LILRA5: variants seen among roughly 807,000 people sequenced by gnomAD.
LILRA5 encodes leukocyte immunoglobulin like receptor A5.
A neutral mutation model predicts 36.3 loss-of-function variants in LILRA5; 31 were observed. The observed-to-expected ratio is 0.85, with a 90% CI of 0.64 to 1.15. The LOEUF (loss-of-function observed/expected upper bound fraction) is 1.15, where lower values mean the gene tolerates loss of function less well. LILRA5 is among the 50% of genes most tolerant of loss of function. The probability of loss-of-function intolerance (pLI) is 0.00; values close to 1 mark genes in which losing one functional copy is unlikely to be tolerated. For synonymous variants in LILRA5, 144 were observed against 144.8 expected (o/e 0.99, Z 0.04); for missense variants, 348 against 377.4 (o/e 0.92, Z 0.64).
chr19:54,308,062 G>A (rs1437394992), intron 5 of LILRA5: 2 of 368,874 alleles, frequency 5.4e-6, no homozygotes, highest in African/African-American at 4.1e-5. Flanking sequence ...TGTGCTCTCT[G>A]TGCAGCCTGG....
chr19:54,307,741 AGCT>A lies in LILRA5; in HGVS notation c.717_719del (p.Ala240del), dbSNP rs768440603. The A allele has an allele frequency of 6.8e-6, 11 of 1,614,000 alleles. No homozygotes were observed. Among genetic ancestry groups the A allele is most frequent in the Non-Finnish European group, 8.5e-6 (10 of 1,180,006 alleles). Reference sequence around the variant, plus strand: ...TGTTTTGTGACGGACTGAGGTTATCAGCTGCTCCTGAAAATCAAAACAGGGGAA... The same window carrying A: ...TGTTTTGTGACGGACTGAGGTTATCAGCTCCTGAAAATCAAAACAGGGGAA... On this transcript the variant is annotated inframe_deletion, in exon 6 of 7. Transcript: ENST00000432233.
intron 5 of LILRA5, chr19:54,308,299 A>T (rs2080922040): frequency 6.7e-6 from 1 of 149,642 alleles, no homozygotes; most frequent in African/African-American, 2.6e-5. Context: ...ATATATATAT[A>T]CGTATGTATA....
In LILRA5 at chr19:54,308,213, C is replaced by T. The variant is rs537098364; in HGVS notation, c.713-465G>A. The T allele has an allele frequency of 1.4e-3, 231 of 170,534 alleles. 1 individual carries two copies. Among genetic ancestry groups the T allele is most frequent in the African/African-American group, 4.6e-3 (194 of 41,936 alleles). 10.6% of individuals were successfully genotyped at this position (170,534 alleles called of 1,614,324 possible). A position where few individuals can be genotyped will look rare whatever the true frequency, so the allele number is the denominator to read the frequency against. On this transcript the variant is annotated intron_variant, in intron 5 of 6. Transcript: ENST00000432233. ...ATCACAAACAGCTGCCTCCCCTTGACGCCACCTCAACCACCTCACCTGGTG... is the reference window on the plus strand; with the variant it reads ...ATCACAAACAGCTGCCTCCCCTTGATGCCACCTCAACCACCTCACCTGGTG...
At chr19:54,308,365 AT>A (rs2080932579) in intron 5 of LILRA5, 2 of 21,902 alleles carry the variant, frequency 9.1e-5, no homozygotes, top group East Asian at 2.1e-3. Flanking sequence ...ATATATATAT[AT>A]ATATATATAT....
chr19:54,310,244 T>A (rs2080982339), intron 5 of LILRA5: 1 of 163,192 alleles, frequency 6.1e-6, no homozygotes, highest in Non-Finnish European at 1.3e-5. Flanking sequence ...ATCTTCCCCA[T>A]GTTCCAAGTC....
Position 54,311,500 on chromosome 19 carries a change from C to T in LILRA5, c.626G>A (p.Arg209Lys), listed in dbSNP as rs1221515758. Residue 209 changes from arginine (R) to lysine (K), a missense_variant, in exon 5 of 7, where the codon AGG (arginine) becomes AAG (lysine). Arg to Lys is a conservative substitution (Grantham distance 26, BLOSUM62 2). Coordinates refer to ENST00000432233, the MANE Select transcript of LILRA5 (RefSeq NM_021250.4). The part of the protein sequence containing the change: ...FPVGPVTPSH[R>K]WMLRCYGSRR... The stretch of plus-strand genomic sequence containing the variant: ...AGAGCCATAGCATCTGAGCATCCAC[C>T]TGTGGCTGGGGGTCACAGGGCCCAC... The T allele has an allele frequency of 6.2e-7, 1 of 1,614,192 alleles. No individual in the cohort carries two copies. Among genetic ancestry groups the T allele is most frequent in the Non-Finnish European group, 8.5e-7 (1 of 1,180,032 alleles).
intron 5 of LILRA5, chr19:54,309,007 A>C (rs1194559670): frequency 1.3e-5 from 2 of 152,226 alleles, no homozygotes; most frequent in Non-Finnish European, 2.9e-5. Flanking sequence ...GAAATAAAAA[A>C]TAAAATTTCA....
chr19:54,312,579 C>T lies in LILRA5; in HGVS notation c.46G>A (p.Gly16Arg), dbSNP rs1466097040. Residue 16 changes from glycine to arginine, a missense_variant, in exon 2 of 7, where the codon GGA (glycine) becomes AGA (arginine). Physicochemically the swap from Gly to Arg is moderately radical, Grantham distance 125. Coordinates refer to ENST00000432233, the MANE Select transcript of LILRA5 (RefSeq NM_021250.4). ...HPSAQLQPVG[G>R]DAVSPALMVL... The stretch of plus-strand genomic sequence containing the variant: ...ATGAGGGCAGGGCTCACGGCGTCTC[C>T]TCCCACTGGCTGCAGCTGTGCAGAT... 3.1e-6 allele frequency: 5 copies of T among 1,614,218 alleles called. No homozygotes were observed. Among genetic ancestry groups the T allele is most frequent in the East Asian group, 2.2e-5 (1 of 44,876 alleles).
chr19:54,312,268 C>G, intron 3 of LILRA5, 67 bp downstream of exon 3: 1 of 1,613,890 alleles, frequency 6.2e-7, no homozygotes, highest in Non-Finnish European at 8.5e-7. Flanking sequence ...TCACCCCCAG[C>G]TGCCCATGGG....
rs868638806 is a variant in LILRA5 at position 54,308,455 on chromosome 19, G to A, written c.713-707C>T. On this transcript the variant is annotated intron_variant, in intron 5 of 6. Transcript: ENST00000432233. ...ACAATTTCTGCTTTTAGGGCCAGGC[G>A]TGGTGGCTCATGCCTGTAATCCCAG... 11 of 145,140 alleles carry A rather than the reference G, an allele frequency of 7.6e-5. No homozygotes were observed. In the South Asian group the frequency reaches 2.0e-3, roughly 27 times the overall value. The allele number at this position is 145,140 out of a possible 1,614,324, so 9.0% of individuals were successfully genotyped here.
chr19:54,307,980 G>A, intron 5 of LILRA5: 1 of 567,728 alleles, frequency 1.8e-6, no homozygotes, highest in South Asian at 2.1e-5. Flanking sequence ...AGTCATTTGG[G>A]AAAGAGCTTT....
At chr19:54,307,998 C>T (rs1601174445) in intron 5 of LILRA5, 8 of 520,978 alleles carry the variant, frequency 1.5e-5, no homozygotes, top group South Asian at 6.8e-5. Flanking sequence ...TTTCCTGCAC[C>T]GTGAAAGCTC....
In LILRA5 at chr19:54,307,691, C is replaced by T; in HGVS notation, c.763+7G>A. 1.2e-6 allele frequency: 2 copies of T among 1,614,154 alleles called. No individual in the cohort carries two copies. The highest frequency in any genetic ancestry group is 1.7e-6 in the Non-Finnish European group (2 of 1,180,004). ...AGTTCCATAACTGAGAGCATCTCCTCACTCACCAGTCCCAGAGTCAGACTT... is the reference window on the plus strand; with the variant it reads ...AGTTCCATAACTGAGAGCATCTCCTTACTCACCAGTCCCAGAGTCAGACTT... On this transcript the variant is annotated splice_region_variant and intron_variant, in intron 6 of 6. Transcript: ENST00000432233.
rs887701967 is a variant in LILRA5, at chr19:54,311,798, C to T, written c.409+66G>A. ...AGGGCTGGGCTGTGAAAGGGAGACA[C>T]CCCTGAGAGCCGACCCCCTTCCTGA... On this transcript the variant is annotated intron_variant, in intron 4 of 6. Coordinates refer to ENST00000432233, the MANE Select transcript of LILRA5 (RefSeq NM_021250.4). 12 of 1,612,276 alleles carry T rather than the reference C, an allele frequency of 7.4e-6. No individual in the cohort carries two copies. The South Asian group carries it at 1.2e-4, about 16-fold the overall frequency.
chr19:54,307,242 C>CAAAAAAAAAAAAAAAAA lies in LILRA5; in HGVS notation c.*154_*170dup, dbSNP rs10573769. On this transcript the variant is annotated 3_prime_UTR_variant, in exon 7 of 7. Transcript: ENST00000432233. ...CTGGTGACAGAGCAAGACTCCATCT[C>CAAAAAAAAAAAAAAAAA]AAAAAAAAAAAAAAAAAAAAAAAAG... The CAAAAAAAAAAAAAAAAA allele has an allele frequency of 3.5e-5, 4 of 115,720 alleles. No individual in the cohort carries two copies. Among genetic ancestry groups the CAAAAAAAAAAAAAAAAA allele is most frequent in the Admixed American group, 1.8e-4 (1 of 5,460 alleles). The allele number at this position is 115,720 out of a possible 1,614,324, so 7.2% of individuals were successfully genotyped here.
chr19:54,310,092 TG>T, intron 5 of LILRA5: 1 of 231,726 alleles, frequency 4.3e-6, no homozygotes. Context: ...CTGTCCTGAG[TG>T]GGCTCAGGGA....
chr19:54,310,691 G>C, intron 5 of LILRA5: 1 of 323,888 alleles, frequency 3.1e-6, no homozygotes, highest in Non-Finnish European at 6.3e-6. Context: ...AGCTCAGGGG[G>C]AAGTCAGCCT....
At chr19:54,308,696 C>A (rs1441724876) in intron 5 of LILRA5, 1 of 151,948 alleles carries the variant, frequency 6.6e-6, no homozygotes, top group Non-Finnish European at 1.5e-5. Flanking sequence ...CATTGCACTC[C>A]AGCTTGGGCA....
In LILRA5 at chr19:54,310,755, C is replaced by T. The variant is rs901988666; in HGVS notation, c.712+659G>A. 6.9e-5 allele frequency: 20 copies of T among 290,230 alleles called. No homozygotes were observed. The Middle Eastern group carries it at 3.3e-3, about 47-fold the overall frequency. 18.0% of individuals were successfully genotyped at this position (290,230 alleles called of 1,614,324 possible). A position where few individuals can be genotyped will look rare whatever the true frequency, so the allele number is the denominator to read the frequency against. ...AGTGGAGGAGGTCACGTCTGTCCTC[C>T]TTGTAGAGAGCAAACCTGTCATAGC... On this transcript the variant is annotated intron_variant, in intron 5 of 6. Coordinates refer to ENST00000432233, the MANE Select transcript of LILRA5 (RefSeq NM_021250.4).
Sources: allele counts gnomAD v4.1 joint callset, GRCh38; gene constraint gnomAD v4.1.1; transcripts MANE v1.5; gene names NCBI Gene and HGNC (gene_info 2026-07-23, HGNC 2026-07-21).